The following TYW1B variants were observed in gnomAD, a reference collection of about 807,000 sequenced individuals.
TYW1B encodes the protein tRNA-yW synthesizing protein 1 homolog B.
In TYW1B, 73 loss-of-function variants were observed where a neutral mutation model predicts 86.9. That is an observed-to-expected ratio of 0.84 (90% CI 0.70 to 1.02). TYW1B has a LOEUF of 1.02. TYW1B is among the 50% of genes least tolerant of loss of function. The pLI, the probability that TYW1B is intolerant of heterozygous loss-of-function variation, is 0.00. For missense variants in TYW1B, 637 were observed against 827.4 expected (o/e 0.77, Z 2.82); for synonymous variants, 248 against 292.8 (o/e 0.85, Z 1.56).
At position 72,613,846 on chromosome 7, in the gene TYW1B, A is replaced by G. The variant is rs1253087423; in HGVS notation, c.1785+2826T>C. Reference sequence around the variant, plus strand: ...GGATGGTAGATTAAAGTCATGTATCAGTTTACAATTTTGAAGTTGATAACT... The same window carrying G: ...GGATGGTAGATTAAAGTCATGTATCGGTTTACAATTTTGAAGTTGATAACT... On this transcript the variant is annotated intron_variant, in intron 13 of 13. Transcript: ENST00000620995. 5.9e-5 allele frequency among the ~76,000 whole-genome samples: 9 copies of G among 152,296 alleles called. No homozygotes were observed. In the East Asian group the frequency reaches 1.7e-3, roughly 29 times the overall value.
chr7:72,752,063 G>A (rs1787510076), intron 7 of TYW1B, among the ~76,000 whole-genome samples: 1 of 152,200 alleles, frequency 6.6e-6, no homozygotes, highest in Non-Finnish European at 1.5e-5. Flanking sequence ...TGGGTAGAGA[G>A]GGAAGTCTCA....
At chr7:72,646,129 T>G (rs1812924130) in intron 11 of TYW1B, among the ~76,000 whole-genome samples, 1 of 151,522 alleles carries the variant, frequency 6.6e-6, no homozygotes, top group Non-Finnish European at 1.5e-5. Context: ...TCACTGTACC[T>G]GGAATTCAAA....
At chr7:72,789,207 C>T (rs1554473015) in intron 6 of TYW1B, among the ~76,000 whole-genome samples, 1 of 151,914 alleles carries the variant, frequency 6.6e-6, no homozygotes, top group Non-Finnish European at 1.5e-5. Flanking sequence ...AATCTAGGCT[C>T]ACTGCAACCT....
Position 72,606,763 on chromosome 7 carries a change from G to A in TYW1B, c.1785+9909C>T, listed in dbSNP as rs147860867. ...GCAGTAACAAGGCACCCTTCCTACA[G>A]TAGGTCAATAGAAGCTGAGAGGGGA... On this transcript the variant is annotated intron_variant, in intron 13 of 13. Coordinates refer to ENST00000620995, the MANE Select transcript of TYW1B (RefSeq NM_001145440.3). 8.1e-3 allele frequency among the ~76,000 whole-genome samples: 1,199 copies of A among 148,350 alleles called. 24 individuals carry two copies. Among genetic ancestry groups the A allele is most frequent in the African/African-American group, 0.023 (899 of 38,574 alleles).
chr7:72,815,423 A>T lies in TYW1B; in HGVS notation c.194T>A (p.Ile65Asn). ...VTSLDLPVAI[I>N]NLKEYDPDDH... is the part of the protein sequence containing the mutation. Reference sequence around the variant, plus strand: ...ATCTGGATCATATTCTTTTAGATTAATAATGGCCACAGGCAGATCCAGGGA... The same window carrying T: ...ATCTGGATCATATTCTTTTAGATTATTAATGGCCACAGGCAGATCCAGGGA... The change falls in exon 3 of 14, where the codon ATT (isoleucine) becomes AAT (asparagine). Residue 65 changes from isoleucine (I) to asparagine (N), a missense_variant. Transcript: ENST00000620995. 6.2e-7 allele frequency: 1 copy of T among 1,610,516 alleles called. No individual in the cohort carries two copies. Among genetic ancestry groups the T allele is most frequent in the Non-Finnish European group, 8.5e-7 (1 of 1,179,344 alleles).
At chr7:72,589,907 AT>A (rs1166607758) in intron 13 of TYW1B, among the ~76,000 whole-genome samples, 4 of 152,224 alleles carry the variant, frequency 2.6e-5, no homozygotes, top group Non-Finnish European at 5.9e-5. Context: ...ACAAACAAGT[AT>A]CAACTTGTTT....
At chr7:72,579,167 C>A (rs1355978137) in intron 13 of TYW1B, among the ~76,000 whole-genome samples, 4 of 152,076 alleles carry the variant, frequency 2.6e-5, no homozygotes, top group Non-Finnish European at 5.9e-5. Context: ...GCAGGCAATG[C>A]ACTTCATAAG....
chr7:72,817,220 A>G (rs555045056), intron 2 of TYW1B, among the ~76,000 whole-genome samples: 37 of 152,118 alleles, frequency 2.4e-4, no homozygotes, highest in Non-Finnish European at 4.9e-4. Context: ...CCTGACCAAC[A>G]TGGTGAAACC....
At position 72,744,491 on chromosome 7, in the gene TYW1B, A is replaced by T. The variant is rs781872590; in HGVS notation, c.1075T>A (p.Cys359Ser). Residue 359 changes from cysteine (C) to serine (S), a missense_variant, in exon 8 of 14, where the codon TGT becomes AGT. By Grantham distance (112) the Cys-to-Ser change is moderately radical. Coordinates refer to ENST00000620995, the MANE Select transcript of TYW1B (RefSeq NM_001145440.3). ...CCTTTCATTTTTACTTACCACCAAC[A>T]GAAGACACATTTATTAGCACACGCC... The part of the protein sequence containing the change: ...SLACANKCVF[C>S]WWHHNNPVGT... 2 of 1,613,574 alleles carry T rather than the reference A, an allele frequency of 1.2e-6. No homozygotes were observed. The highest frequency in any genetic ancestry group is 4.5e-5 in the East Asian group (2 of 44,880).
intron 5 of TYW1B, among the ~76,000 whole-genome samples, chr7:72,804,101 A>G (rs539860596): frequency 1.3e-5 from 2 of 151,392 alleles, no homozygotes; most frequent in Admixed American, 1.3e-4. Context: ...CCTGATCAAC[A>G]TGGTGAAACT....
chr7:72,731,771 G>A lies in TYW1B; in HGVS notation c.1083-2840C>T, dbSNP rs386714632. Among the ~76,000 whole-genome samples, 1,083 of 151,980 alleles carry A rather than the reference G, an allele frequency of 7.1e-3. 19 individuals are homozygous for A. The highest frequency in any genetic ancestry group is 0.025 in the African/African-American group (1,055 of 41,452). ...AGCCTGGCCAACACGGTGAAACCACGTCTCTACTAAAAATACAAAAATTAG... is the reference window on the plus strand; with the variant it reads ...AGCCTGGCCAACACGGTGAAACCACATCTCTACTAAAAATACAAAAATTAG... On this transcript the variant is annotated intron_variant, in intron 8 of 13. Coordinates refer to ENST00000620995, the MANE Select transcript of TYW1B (RefSeq NM_001145440.3).
At chr7:72,580,203 G>T (rs1811120516) in intron 13 of TYW1B, among the ~76,000 whole-genome samples, 1 of 152,154 alleles carries the variant, frequency 6.6e-6, no homozygotes, top group Non-Finnish European at 1.5e-5. Flanking sequence ...ACCTCTCAGG[G>T]CAATCGGAGA....
In TYW1B at chr7:72,694,687, C is replaced by G; in HGVS notation, c.1506G>C (p.Lys502Asn). 6.2e-7 allele frequency: 1 copy of G among 1,603,906 alleles called. No homozygotes were observed. Among genetic ancestry groups the G allele is most frequent in the Non-Finnish European group, 8.5e-7 (1 of 1,177,608 alleles). Residue 502 changes from lysine (K) to asparagine (N), a missense_variant and splice_region_variant, in exon 11 of 14, where the codon AAG (lysine) becomes AAC (asparagine). By Grantham distance (94) the Lys-to-Asn change is moderately conservative. Coordinates refer to ENST00000620995, the MANE Select transcript of TYW1B (RefSeq NM_001145440.3). Reference sequence around the variant, plus strand: ...ATTTTTAAGATGTCATAATTCTTACCTTGACTGCCAAGGCTTTTAAACTGT... The same window carrying G: ...ATTTTTAAGATGTCATAATTCTTACGTTGACTGCCAAGGCTTTTAAACTGT... ...FLDSLKALAV[K>N]QQRTVYRLML...
intron 11 of TYW1B, among the ~76,000 whole-genome samples, chr7:72,690,954 T>G (rs782485989): frequency 6.6e-6 from 1 of 152,156 alleles, no homozygotes; most frequent in African/African-American, 2.4e-5. Flanking sequence ...GGTTTCACCA[T>G]ATTGGCCGGG....
At chr7:72,782,132 T>G (rs1358436520) in intron 6 of TYW1B, among the ~76,000 whole-genome samples, 1 of 151,888 alleles carries the variant, frequency 6.6e-6, no homozygotes, top group Non-Finnish European at 1.5e-5. Flanking sequence ...AAAAAAAATT[T>G]TTTTTAATTA....
Position 72,596,944 on chromosome 7 carries a change from C to T in TYW1B, c.1785+19728G>A, listed in dbSNP as rs570053908. ...CAACAACAACAACAACAACAAAATC[C>T]CAATTCTTTTCCAAAGAAGATATAG... On this transcript the variant is annotated intron_variant, in intron 13 of 13. Transcript: ENST00000620995. 1.3e-4 allele frequency among the ~76,000 whole-genome samples: 20 copies of T among 151,196 alleles called. No homozygotes were observed. The South Asian group carries it at 4.0e-3, about 30-fold the overall frequency.
intron 6 of TYW1B, among the ~76,000 whole-genome samples, chr7:72,798,764 C>A (rs1382917529): frequency 6.6e-6 from 1 of 152,158 alleles, no homozygotes; most frequent in East Asian, 1.9e-4. Context: ...TTACTCAGAG[C>A]CTCGCCTAAC....
intron 11 of TYW1B, among the ~76,000 whole-genome samples, chr7:72,690,341 C>T (rs1461179582): frequency 5.3e-5 from 8 of 152,104 alleles, no homozygotes; most frequent in East Asian, 1.9e-4. Flanking sequence ...CTATCGTGGA[C>T]GGAAATTGAA....
chr7:72,788,456 A>C (rs571462582), intron 6 of TYW1B, among the ~76,000 whole-genome samples: 3 of 152,366 alleles, frequency 2.0e-5, no homozygotes, highest in African/African-American at 7.2e-5. Context: ...TACTTGCATT[A>C]TGCTTACCAG....
Sources: gnomAD v4.1 joint callset for allele counts (sites outside exome capture counted in the v4.1 genomes callset) on GRCh38, gnomAD v4.1.1 for gene constraint, MANE v1.5 for transcripts, NCBI Gene and HGNC (gene_info 2026-07-23, HGNC 2026-07-21) for gene names.